CCDC146: variants seen among roughly 807,000 people sequenced by gnomAD.
CCDC146 encodes the protein coiled-coil domain-containing protein 146.
A neutral mutation model predicts 119.3 loss-of-function variants in CCDC146; 92 were observed. The ratio of observed to expected loss-of-function variants is 0.77; its 90% CI spans 0.65 to 0.92. The LOEUF is 0.92. Ranked by LOEUF, CCDC146 falls within the 40% of genes least tolerant of loss-of-function variation. The pLI is 0.00. For synonymous variants in CCDC146, 372 were observed against 371.8 expected, an observed-to-expected ratio of 1.00 and a Z score of -0.01; for missense variants, 1,000 against 1,103.0, an observed-to-expected ratio of 0.91 and a Z score of 1.32.
chr7:77,293,351 T>C lies in CCDC146; in HGVS notation c.2664+151T>C, dbSNP rs560479956. On this transcript the variant is annotated intron_variant, in intron 18 of 18. Transcript: ENST00000285871. ...TTAGAAGTGTATTTAAGATATTCTATGATAAGTCAAAGTGCAGTAATCCAG... is the reference window on the plus strand; with the variant it reads ...TTAGAAGTGTATTTAAGATATTCTACGATAAGTCAAAGTGCAGTAATCCAG... 1.8e-5 allele frequency: 16 copies of C among 886,648 alleles called. No individual in the cohort carries two copies. In the Admixed American group the frequency reaches 3.7e-4, roughly 21 times the overall value. The allele number at this position is 886,648 out of a possible 1,614,324, so 54.9% of individuals were successfully genotyped here.
chr7:77,135,677 C>T (rs984308424), intron 1 of CCDC146, among the ~76,000 whole-genome samples: 1 of 152,016 alleles, frequency 6.6e-6, no homozygotes, highest in Non-Finnish European at 1.5e-5. Flanking sequence ...TATCAGTAAT[C>T]GCTTTGAACA....
chr7:77,130,322 A>G (rs1337845570), intron 1 of CCDC146, among the ~76,000 whole-genome samples: 1 of 152,096 alleles, frequency 6.6e-6, no homozygotes, highest in East Asian at 1.9e-4. Flanking sequence ...GGACTACTCA[A>G]GAAAGCATAG....
intron 1 of CCDC146, among the ~76,000 whole-genome samples, chr7:77,160,855 C>G (rs918707687): frequency 4.6e-5 from 7 of 152,032 alleles, no homozygotes; most frequent in African/African-American, 1.7e-4. Flanking sequence ...AGGAAACCTA[C>G]AAAATGGGAG....
At chr7:77,236,700 C>T (rs1332691208) in intron 2 of CCDC146, among the ~76,000 whole-genome samples, 1 of 152,136 alleles carries the variant, frequency 6.6e-6, no homozygotes, top group Non-Finnish European at 1.5e-5. Flanking sequence ...CTCTCAATTT[C>T]CAGACAAAGA....
In CCDC146 at chr7:77,160,905, T is replaced by C. The variant is rs563567647; in HGVS notation, c.-11-6753T>C. On this transcript the variant is annotated intron_variant, in intron 1 of 18. Transcript: ENST00000285871. The stretch of plus-strand genomic sequence containing the variant: ...CTACTCATCTGACAAAGGGCTAATA[T>C]CCAGAATCTACAATGAACTCAAACA... 5.1e-3 allele frequency among the ~76,000 whole-genome samples: 768 copies of C among 152,060 alleles called. 8 individuals carry two copies. The highest frequency in any genetic ancestry group is 0.017 in the African/African-American group (721 of 41,448).
chr7:77,276,375 T>C (rs1241421599), intron 11 of CCDC146, among the ~76,000 whole-genome samples: 2 of 152,122 alleles, frequency 1.3e-5, no homozygotes, highest in African/African-American at 4.8e-5. Flanking sequence ...AGCAATGAGG[T>C]ATGAAGTAGA....
rs73706611 is a variant in CCDC146, at chr7:77,276,718, G to A, written c.1441-2034G>A. Among the ~76,000 whole-genome samples, 694 of 152,298 alleles carry A rather than the reference G, an allele frequency of 4.6e-3. 4 individuals carry two copies. Among genetic ancestry groups the A allele is most frequent in the African/African-American group, 0.016 (649 of 41,558 alleles). ...AAGAAAGGCAGCTTCAAAGCACAGG[G>A]TGGCTAAGCGGGTAAGATGCAGGAG... On this transcript the variant is annotated intron_variant, in intron 11 of 18. Transcript: ENST00000285871.
rs200678204 is a variant in CCDC146, at chr7:77,256,344, G to A, written c.519G>A (p.Lys173=). 1.0e-4 allele frequency: 159 copies of A among 1,590,808 alleles called. No homozygotes were observed. In the Middle Eastern group the frequency reaches 1.0e-3, roughly 10 times the overall value. Residue 173 remains lysine, a synonymous_variant, in exon 6 of 19, where the codon AAG becomes AAA. Transcript: ENST00000285871. ...EKITKPGEME[K]KMKILRESTE... ...CACGACTTTTAAAGGAAATGGAGAA[G>A]AAGATGAAAATATTGAGAGAAAGCA...
chr7:77,198,084 A>G (rs376738354), intron 2 of CCDC146: 1 of 962,280 alleles, frequency 1.0e-6, no homozygotes, highest in Non-Finnish European at 1.2e-6. Flanking sequence ...ACAAGTTGCC[A>G]TGCAGCATCT....
chr7:77,244,924 T>A (rs1407104163), intron 4 of CCDC146, among the ~76,000 whole-genome samples: 1 of 152,216 alleles, frequency 6.6e-6, no homozygotes, highest in Non-Finnish European at 1.5e-5. Flanking sequence ...CAACAAACTC[T>A]TATTGAGTTT....
chr7:77,138,631 C>T (rs1386744001), intron 1 of CCDC146, among the ~76,000 whole-genome samples: 2 of 152,052 alleles, frequency 1.3e-5, no homozygotes, highest in South Asian at 2.1e-4. Flanking sequence ...AAAGGCACAT[C>T]GATAAAGGAC....
intron 4 of CCDC146, among the ~76,000 whole-genome samples, chr7:77,246,972 A>G (rs1431505641): frequency 2.0e-5 from 3 of 152,186 alleles, no homozygotes; most frequent in Admixed American, 1.3e-4. Context: ...CCAGTAGAAA[A>G]CCTTGTAAAT....
chr7:77,196,652 T>C lies in CCDC146; in HGVS notation c.156+28828T>C, dbSNP rs748971623. Reference sequence around the variant, plus strand: ...CTCATTAGCCACATAAAACTGATCATACAAGGCATATAGTTCGACACCATT... The same window carrying C: ...CTCATTAGCCACATAAAACTGATCACACAAGGCATATAGTTCGACACCATT... On this transcript the variant is annotated intron_variant, in intron 2 of 18. Transcript: ENST00000285871. The surrounding 1 kb of genome is among the most constrained non-coding windows in gnomAD (Gnocchi z 4.2). 8 of 1,613,996 alleles carry C rather than the reference T, an allele frequency of 5.0e-6. No homozygotes were observed. The South Asian group carries it at 6.6e-5, about 13-fold the overall frequency.
At chr7:77,273,642 C>T in intron 9 of CCDC146, 52 bp from the exon 10 acceptor site, 1 of 1,403,420 alleles carries the variant, frequency 7.1e-7, no homozygotes, top group East Asian at 2.3e-5. Context: ...GCCTCAGCCT[C>T]CCAAAGATTT....
intron 1 of CCDC146, among the ~76,000 whole-genome samples, chr7:77,137,871 G>A (rs1307534969): frequency 6.7e-6 from 1 of 149,710 alleles, no homozygotes; most frequent in Non-Finnish European, 1.5e-5. Context: ...ATATATGTAG[G>A]TTCTGTTGTC....
At position 77,196,586 on chromosome 7, in the gene CCDC146, G is replaced by A; in HGVS notation, c.156+28762G>A. ...GTTGAAACGTAATGCATCTCCAGCT[G>A]TGCCATTATAGTTACCAACGTGTAA... is the stretch of plus-strand genomic sequence containing the variant. On this transcript the variant is annotated intron_variant, in intron 2 of 18. Coordinates refer to ENST00000285871, the MANE Select transcript of CCDC146 (RefSeq NM_020879.3). This position sits in a 1 kb window ranked among gnomAD's most constrained non-coding sequence, Gnocchi z 4.2. The A allele has an allele frequency of 6.2e-7, 1 of 1,614,096 alleles. No homozygotes were observed. Among genetic ancestry groups the A allele is most frequent in the Non-Finnish European group, 8.5e-7 (1 of 1,180,000 alleles).
At chr7:77,192,560 G>C (rs1021145643) in intron 2 of CCDC146, among the ~76,000 whole-genome samples, 1 of 152,232 alleles carries the variant, frequency 6.6e-6, no homozygotes. Context: ...GTTTAGTATG[G>C]CAGAAGTATA....
intron 1 of CCDC146, among the ~76,000 whole-genome samples, chr7:77,157,135 G>A (rs1035694320): frequency 1.0e-5 from 1 of 100,026 alleles, no homozygotes; most frequent in Non-Finnish European, 1.9e-5. Flanking sequence ...GCAATGGGCT[G>A]CTGGGGGAAG....
chr7:77,233,548 C>T (rs191391659), intron 2 of CCDC146, among the ~76,000 whole-genome samples: 218 of 152,234 alleles, frequency 1.4e-3, no homozygotes, highest in African/African-American at 5.0e-3. Flanking sequence ...GGACCAGTTT[C>T]GTGGAAGACA....
Sources: gnomAD v4.1 joint callset for allele counts (sites outside exome capture counted in the v4.1 genomes callset) on GRCh38, gnomAD v4.1.1 for gene constraint, Gnocchi (gnomAD v3.1) non-coding constraint, MANE v1.5 for transcripts, NCBI Gene and HGNC (gene_info 2026-07-23, HGNC 2026-07-21) for gene names.